CDK14: variants seen among roughly 807,000 people sequenced by gnomAD.
CDK14 encodes cyclin dependent kinase 14.
CDK14 carries 34 observed loss-of-function variants against 60.7 expected under a neutral mutation model. The ratio of observed to expected loss-of-function variants is 0.56; its 90% CI spans 0.43 to 0.75. The LOEUF (loss-of-function observed/expected upper bound fraction) is 0.75, where lower values mean the gene tolerates loss of function less well. Ranked by LOEUF, CDK14 falls within the 30% of genes least tolerant of loss-of-function variation. The pLI is 0.00. For missense variants in CDK14, 482 were observed against 564.1 expected, an observed-to-expected ratio of 0.85 and a Z score of 1.47; for synonymous variants, 197 against 203.7, an observed-to-expected ratio of 0.97 and a Z score of 0.28.
intron 8 of CDK14, among the ~76,000 whole-genome samples, chr7:90,943,698 CT>C (rs1205576510): frequency 1.3e-5 from 2 of 152,146 alleles, no homozygotes; most frequent in Non-Finnish European, 2.9e-5. Flanking sequence ...TTCTTACCCC[CT>C]AAAGGGGATC....
chr7:90,870,101 A>T (rs1468111514), intron 6 of CDK14, among the ~76,000 whole-genome samples: 15 of 152,210 alleles, frequency 9.9e-5, no homozygotes, highest in Admixed American at 7.2e-4. Context: ...GTCAAGATTC[A>T]TAAAATACCA....
chr7:91,188,430 C>G (rs1007317645), intron 14 of CDK14, among the ~76,000 whole-genome samples: 1 of 152,108 alleles, frequency 6.6e-6, no homozygotes, highest in Non-Finnish European at 1.5e-5. Context: ...AAAACAGAGC[C>G]CTCAATATCA....
chr7:90,643,573 G>C (rs1465503952), intron 2 of CDK14, among the ~76,000 whole-genome samples: 3 of 152,164 alleles, frequency 2.0e-5, no homozygotes, highest in Non-Finnish European at 2.9e-5. Context: ...CGCTAAGTAT[G>C]AGAAGAGTTG....
chr7:90,797,143 A>G (rs1043412859), intron 5 of CDK14, among the ~76,000 whole-genome samples: 2 of 151,986 alleles, frequency 1.3e-5, no homozygotes, highest in Middle Eastern at 6.8e-3. Context: ...TGCTGAAAAA[A>G]AGTACCACAG....
rs1370939479 is a variant in CDK14, at chr7:90,596,471, C to A, written c.-157C>A. On this transcript the variant is annotated 5_prime_UTR_variant, in exon 1 of 15. It adds an upstream start codon to the 5' untranslated region. Transcript: ENST00000380050. ...GCGGAGCCTGCCGTCCTCCGCCTGC[C>A]TGCTGCTCGCCTCCCTAGACCTGCG... The A allele has an allele frequency of 1.8e-6, 1 of 565,612 alleles. No homozygotes were observed. The highest frequency in any genetic ancestry group is 2.0e-5 in the African/African-American group (1 of 50,072). The allele number at this position is 565,612 out of a possible 1,614,324, so 35.0% of individuals were successfully genotyped here.
intron 7 of CDK14, among the ~76,000 whole-genome samples, chr7:90,909,132 G>A (rs774941913): frequency 1.6e-4 from 25 of 152,124 alleles, no homozygotes; most frequent in Admixed American, 6.6e-5. Context: ...AATTGAGTAG[G>A]AAGACCTACT....
rs184780208 is a variant in CDK14 at position 91,069,382 on chromosome 7, A to C, written c.1106-10050A>C. Among the ~76,000 whole-genome samples, 1,059 of 152,152 alleles carry C rather than the reference A, an allele frequency of 7.0e-3. 8 individuals are homozygous for C. Among genetic ancestry groups the C allele is most frequent in the Non-Finnish European group, 0.012 (821 of 68,010 alleles). On this transcript the variant is annotated intron_variant, in intron 11 of 14. Coordinates refer to ENST00000380050, the MANE Select transcript of CDK14 (RefSeq NM_001287135.2). ...TGAGATGCCATCTCTAAAAATAGAT[A>C]AATACATAATTAGTCAGGCATGGTG...
chr7:90,888,087 C>G (rs1451837575), intron 6 of CDK14, among the ~76,000 whole-genome samples: 1 of 152,146 alleles, frequency 6.6e-6, no homozygotes, highest in Non-Finnish European at 1.5e-5. Flanking sequence ...CGCAATGGCT[C>G]ACACCTGTAA....
intron 8 of CDK14, among the ~76,000 whole-genome samples, chr7:90,950,881 AAC>A (rs1287519240): frequency 8.5e-5 from 13 of 152,324 alleles, no homozygotes; most frequent in African/African-American, 3.1e-4. Flanking sequence ...TAAAGGCTAG[AAC>A]ACCATAAGAA....
At chr7:90,964,968 A>G (rs1271697436) in intron 9 of CDK14, among the ~76,000 whole-genome samples, 1 of 152,198 alleles carries the variant, frequency 6.6e-6, no homozygotes, top group African/African-American at 2.4e-5. Flanking sequence ...ATTGTGAAGA[A>G]TTTATCAATT....
intron 6 of CDK14, among the ~76,000 whole-genome samples, chr7:90,896,162 T>C (rs1200065751): frequency 6.6e-6 from 1 of 152,148 alleles, no homozygotes; most frequent in Non-Finnish European, 1.5e-5. Flanking sequence ...TAAATACATT[T>C]AAAGGTCTAA....
chr7:90,646,522 A>G (rs1385995383), intron 2 of CDK14, among the ~76,000 whole-genome samples: 1 of 152,114 alleles, frequency 6.6e-6, no homozygotes, highest in African/African-American at 2.4e-5. Context: ...TGCATATCAA[A>G]CAAAAGAGCA....
chr7:91,176,552 A>G (rs1178015008), intron 14 of CDK14, among the ~76,000 whole-genome samples: 3 of 152,192 alleles, frequency 2.0e-5, no homozygotes, highest in South Asian at 2.1e-4. Flanking sequence ...CAAAATTGAT[A>G]GACTGCTAGC....
chr7:91,200,598 C>T (rs934096615), intron 14 of CDK14, among the ~76,000 whole-genome samples: 13 of 152,172 alleles, frequency 8.5e-5, no homozygotes, highest in Middle Eastern at 3.4e-3. Flanking sequence ...TAAACAGTTA[C>T]GCGCTTTAGT....
intron 11 of CDK14, among the ~76,000 whole-genome samples, chr7:91,070,251 C>G (rs1014281471): frequency 1.2e-5 from 1 of 84,974 alleles, no homozygotes; most frequent in Admixed American, 1.5e-4. Context: ...TTTGTTGTTG[C>G]TGCTGCTGCT....
chr7:90,946,199 C>G (rs572749645), intron 8 of CDK14, among the ~76,000 whole-genome samples: 68 of 152,266 alleles, frequency 4.5e-4, no homozygotes, highest in Admixed American at 3.8e-3. Flanking sequence ...TGATTCTTCT[C>G]TGTAGTGATT....
In CDK14 at chr7:90,726,801, A is replaced by G. The variant is rs754614156; in HGVS notation, c.358A>G (p.Ser120Gly). Reference sequence around the variant, plus strand: ...GTCACCTAAAGTTAGGCGGCACTCCAGCCCCAGCTCGGTAAGTGCAGTCTT... The same window carrying G: ...GTCACCTAAAGTTAGGCGGCACTCCGGCCCCAGCTCGGTAAGTGCAGTCTT... ...KESPKVRRHSSPSSPTSPKFG... is the reference protein window; with the variant it reads ...KESPKVRRHSGPSSPTSPKFG... Residue 120 changes from serine to glycine, a missense_variant, in exon 3 of 15, where the codon AGC (serine) becomes GGC (glycine). Ser to Gly is a moderately conservative substitution (Grantham distance 56, BLOSUM62 0). Coordinates refer to ENST00000380050, the MANE Select transcript of CDK14 (RefSeq NM_001287135.2). 3.7e-6 allele frequency: 6 copies of G among 1,613,464 alleles called. No individual in the cohort carries two copies. The highest frequency in any genetic ancestry group is 1.3e-5 in the African/African-American group (1 of 74,912).
intron 5 of CDK14, among the ~76,000 whole-genome samples, chr7:90,806,569 T>G (rs989352706): frequency 6.6e-6 from 1 of 152,190 alleles, no homozygotes; most frequent in Non-Finnish European, 1.5e-5. Flanking sequence ...ATTTCTGCAT[T>G]TCCAACTGAG....
chr7:90,718,830 A>G (rs927585347), intron 2 of CDK14, among the ~76,000 whole-genome samples: 27 of 152,268 alleles, frequency 1.8e-4, no homozygotes, highest in Admixed American at 1.7e-3. Flanking sequence ...AGATGAAGGC[A>G]GTTATCATTG....
Sources: allele counts gnomAD v4.1 joint callset (sites outside exome capture counted in the v4.1 genomes callset), GRCh38; gene constraint gnomAD v4.1.1; transcripts MANE v1.5; gene names NCBI Gene and HGNC (gene_info 2026-07-23, HGNC 2026-07-21).